DEAF1: variants seen among roughly 807,000 people sequenced by gnomAD.
The protein encoded by DEAF1 is DEAF1 transcription factor.
A neutral mutation model predicts 58.9 loss-of-function variants in DEAF1; 53 were observed. The observed-to-expected ratio is 0.90, with a 90% CI of 0.72 to 1.13. The LOEUF (loss-of-function observed/expected upper bound fraction) is 1.13. Among genes scored for constraint, DEAF1 ranks in the 50% most tolerant of loss-of-function variants. DEAF1 has a pLI of 0.00. For synonymous variants in DEAF1, 385 were observed against 340.4 expected, an observed-to-expected ratio of 1.13 and a Z score of -1.44; for missense variants, 685 against 791.4, an observed-to-expected ratio of 0.87 and a Z score of 1.61.
At chr11:686,559 A>AT (rs560865510) in intron 5 of DEAF1, among the ~76,000 whole-genome samples, 1 of 152,160 alleles carries the variant, frequency 6.6e-6, no homozygotes, top group Non-Finnish European at 1.5e-5. Context: ...TACTGTTTTC[A>AT]TTTTTTGTGT....
intron 6 of DEAF1, among the ~76,000 whole-genome samples, chr11:683,727 C>G (rs988995429): frequency 1.3e-5 from 2 of 152,206 alleles, no homozygotes; most frequent in Non-Finnish European, 2.9e-5. Flanking sequence ...AAAGTCGCAT[C>G]TTTACTGAGT....
intron 10 of DEAF1, among the ~76,000 whole-genome samples, chr11:665,528 C>T (rs564479739): frequency 6.6e-6 from 1 of 152,306 alleles, no homozygotes; most frequent in Non-Finnish European, 1.5e-5. Context: ...CCCTTTCTAA[C>T]GTTTTAAAAG....
At chr11:658,687 GC>G (rs1326679423) in intron 10 of DEAF1, among the ~76,000 whole-genome samples, 8 of 152,366 alleles carry the variant, frequency 5.3e-5, no homozygotes, top group Admixed American at 1.3e-4. Flanking sequence ...TGGGCCGCAG[GC>G]GGGCAGAGGA....
At chr11:697,100 CAAAA>C (rs71022954), upstream of DEAF1, among the ~76,000 whole-genome samples, 4 of 142,082 alleles carry the variant, frequency 2.8e-5, no homozygotes, top group Non-Finnish European at 6.1e-5. Flanking sequence ...AATTCTGTCT[CAAAA>C]AAAAAAAAAA....
At chr11:649,447 T>C (rs1858660286) in intron 11 of DEAF1, among the ~76,000 whole-genome samples, 2 of 148,032 alleles carry the variant, frequency 1.4e-5, no homozygotes, top group South Asian at 2.1e-4. Context: ...CAGCTGGGTG[T>C]GGTGGCTCAC....
intron 10 of DEAF1, among the ~76,000 whole-genome samples, chr11:655,466 C>T (rs1040791576): frequency 2.0e-5 from 3 of 152,372 alleles, no homozygotes; most frequent in Non-Finnish European, 2.9e-5. Flanking sequence ...CTCTCTGAGA[C>T]GGAGAAGACC....
intron 11 of DEAF1, among the ~76,000 whole-genome samples, chr11:653,250 C>G (rs968303930): frequency 6.8e-6 from 1 of 146,540 alleles, no homozygotes; most frequent in African/African-American, 2.6e-5. Flanking sequence ...TGGACGCTGT[C>G]TCTCGCGTGG....
rs1858381619 is a variant in DEAF1 at position 644,427 on chromosome 11, GTTTC to G, written c.*119_*122del. 5.9e-5 allele frequency: 45 copies of G among 766,962 alleles called. No homozygotes were observed. In the South Asian group the frequency reaches 6.1e-4, roughly 10 times the overall value. 47.5% of individuals were successfully genotyped at this position (766,962 alleles called of 1,614,324 possible). A position where few individuals can be genotyped will look rare whatever the true frequency, so the allele number is the denominator to read the frequency against. ...AGTGTGTTAATGACTTGTCCAGCAA[GTTTC>G]TTTACCTTCCCACACCCCTCTTCTC... On this transcript the variant is annotated 3_prime_UTR_variant, in exon 12 of 12. Coordinates refer to ENST00000382409, the MANE Select transcript of DEAF1 (RefSeq NM_021008.4). This position sits in a 1 kb window ranked among gnomAD's most constrained non-coding sequence, Gnocchi z 4.3.
In DEAF1 at chr11:660,285, T is replaced by C. The variant is rs568034750; in HGVS notation, c.1504-6234A>G. 7.9e-5 allele frequency among the ~76,000 whole-genome samples: 12 copies of C among 152,202 alleles called. No individual in the cohort carries two copies. The South Asian group carries it at 2.5e-3, about 31-fold the overall frequency. On this transcript the variant is annotated intron_variant, in intron 10 of 11. Transcript: ENST00000382409. ...TTTTGAGCTGGGACAGAGTTTGCCGTTTCTATGAAATGACCATGATACAGA... is the reference window on the plus strand; with the variant it reads ...TTTTGAGCTGGGACAGAGTTTGCCGCTTCTATGAAATGACCATGATACAGA...
At chr11:701,250 G>T (rs1861449817) in intron 1 of DEAF1, 1 of 160,292 alleles carries the variant, frequency 6.2e-6, no homozygotes, top group African/African-American at 2.4e-5. Context: ...TGCAGTCACA[G>T]CTCACTGCAG....
chr11:646,221 C>G (rs1050142793), intron 11 of DEAF1: 1 of 137,336 alleles, frequency 7.3e-6, no homozygotes, highest in Non-Finnish European at 1.5e-5. Context: ...CCACGGCACT[C>G]CAGCCCGGGC....
chr11:651,363 C>A, intron 11 of DEAF1: 1 of 322,156 alleles, frequency 3.1e-6, no homozygotes, highest in South Asian at 2.5e-5. Context: ...TCGCCCGAAG[C>A]CAGGAGATGG....
chr11:695,253 GCTGCCCGAGTAGGAGCCGAAC>G (rs1861072515), upstream of DEAF1: 2 of 485,606 alleles, frequency 4.1e-6, no homozygotes, highest in South Asian at 7.1e-5. Context: ...GCGAACAGAG[GCTGCCCGAGTAGGAGCCGAAC>G]CTGCACGAAG....
At chr11:684,107 T>C (rs1257257841) in intron 6 of DEAF1, among the ~76,000 whole-genome samples, 1 of 149,832 alleles carries the variant, frequency 6.7e-6, no homozygotes, top group African/African-American at 2.5e-5. Context: ...AAGAACACGG[T>C]AGGTCTCTCC....
chr11:689,428 G>A (rs1321270285), intron 2 of DEAF1, among the ~76,000 whole-genome samples: 1 of 151,764 alleles, frequency 6.6e-6, no homozygotes. Context: ...AGCCAGGATG[G>A]TCTCCATCTT....
chr11:689,202 CTTTTT>C (rs34046317), intron 2 of DEAF1, among the ~76,000 whole-genome samples: 19 of 94,170 alleles, frequency 2.0e-4, no homozygotes, highest in African/African-American at 4.8e-4. Context: ...TTTTCTTTTT[CTTTTT>C]TTTTTTTTTT....
chr11:696,672 T>A (rs1370125193), upstream of DEAF1, among the ~76,000 whole-genome samples: 2 of 141,154 alleles, frequency 1.4e-5, no homozygotes, highest in African/African-American at 5.3e-5. Context: ...AGGCTGAGGC[T>A]GGCGGATCAC....
chr11:704,436 C>A (rs763130084), intron 1 of DEAF1: 1 of 1,288,664 alleles, frequency 7.8e-7, no homozygotes, highest in South Asian at 1.2e-5. Context: ...TGTCTGTGGC[C>A]CCCAGTGGCC....
At position 644,665 on chromosome 11, in the gene DEAF1, G is replaced by A. The variant is rs199717663; in HGVS notation, c.1594-11C>T. On this transcript the variant is annotated splice_polypyrimidine_tract_variant and intron_variant, in intron 11 of 11. Coordinates refer to ENST00000382409, the MANE Select transcript of DEAF1 (RefSeq NM_021008.4). The surrounding 1 kb of genome is among the most constrained non-coding windows in gnomAD (Gnocchi z 4.3). ...GTGATCCTTCCAGTCCTGGAAGGGA[G>A]GACACACCCATGTCAGCAGGGTCAG... The A allele has an allele frequency of 4.4e-6, 7 of 1,599,320 alleles. No homozygotes were observed. The highest frequency in any genetic ancestry group is 5.1e-6 in the Non-Finnish European group (6 of 1,173,504).
Sources: allele counts gnomAD v4.1 joint callset (sites outside exome capture counted in the v4.1 genomes callset), GRCh38; gene constraint gnomAD v4.1.1; non-coding constraint Gnocchi (gnomAD v3.1); transcripts MANE v1.5; gene names NCBI Gene and HGNC (gene_info 2026-07-23, HGNC 2026-07-21).